NRXN1: variants seen among roughly 807,000 people sequenced by gnomAD.
The protein encoded by NRXN1 is neurexin 1.
Under a neutral mutation model 150.9 loss-of-function variants are expected in NRXN1, and 39 were observed. The ratio of observed to expected loss-of-function variants is 0.26; its 90% CI spans 0.20 to 0.34. The LOEUF (loss-of-function observed/expected upper bound fraction) is 0.34. Among genes scored for constraint, NRXN1 ranks in the 10% least tolerant of loss-of-function variants. The pLI, the probability that NRXN1 is intolerant of heterozygous loss-of-function variation, is 1.00. For synonymous variants in NRXN1, 924 were observed against 757.0 expected, an observed-to-expected ratio of 1.22 and a Z score of -3.62; for missense variants, 1,815 against 1,949.9, an observed-to-expected ratio of 0.93 and a Z score of 1.30.
intron 2 of NRXN1, among the ~76,000 whole-genome samples, chr2:50,940,525 C>CACA (rs1265451546): frequency 6.7e-6 from 1 of 150,194 alleles, no homozygotes; most frequent in East Asian, 2.0e-4. Context: ...CATTGTATGA[C>CACA]ACAACATAAC....
chr2:50,911,496 C>T (rs572904462), intron 5 of NRXN1, among the ~76,000 whole-genome samples: 9 of 151,784 alleles, frequency 5.9e-5, no homozygotes, highest in Non-Finnish European at 1.0e-4. Flanking sequence ...ATCCATGGAC[C>T]AAATTTCTAC....
At chr2:50,678,329 T>A (rs1020400074) in intron 5 of NRXN1, among the ~76,000 whole-genome samples, 21 of 152,192 alleles carry the variant, frequency 1.4e-4, no homozygotes, top group African/African-American at 5.1e-4. Flanking sequence ...ACTTCCCCTT[T>A]ACAGAATTTA....
At chr2:50,828,109 T>C (rs1435873574) in intron 5 of NRXN1, among the ~76,000 whole-genome samples, 1 of 151,794 alleles carries the variant, frequency 6.6e-6, no homozygotes, top group East Asian at 1.9e-4. Flanking sequence ...CCGTTCTCAA[T>C]GAGCTGTTGG....
intron 5 of NRXN1, among the ~76,000 whole-genome samples, chr2:50,725,129 T>C (rs551914186): frequency 2.4e-4 from 37 of 151,822 alleles, no homozygotes; most frequent in African/African-American, 7.7e-4. Context: ...ATTAGAGTAA[T>C]AGAAAGAAAA....
intron 5 of NRXN1, among the ~76,000 whole-genome samples, chr2:50,827,755 T>C (rs898745985): frequency 5.9e-5 from 9 of 151,626 alleles, no homozygotes; most frequent in Non-Finnish European, 1.5e-5. Context: ...CCCTGCGGCC[T>C]TCCGCAGTGT....
intron 5 of NRXN1, among the ~76,000 whole-genome samples, chr2:50,836,174 G>A (rs779647970): frequency 6.6e-5 from 10 of 152,016 alleles, no homozygotes; most frequent in Non-Finnish European, 1.5e-4. Context: ...TTCGACGGTC[G>A]TCTGTAACCT....
intron 21 of NRXN1, among the ~76,000 whole-genome samples, chr2:50,051,751 G>A (rs1389632026): frequency 6.6e-6 from 1 of 152,054 alleles, no homozygotes; most frequent in African/African-American, 2.4e-5. Context: ...CTACTAAAAT[G>A]TATATTCTTT....
At chr2:50,933,681 A>T (rs1402901538) in intron 2 of NRXN1, among the ~76,000 whole-genome samples, 1 of 152,130 alleles carries the variant, frequency 6.6e-6, no homozygotes, top group African/African-American at 2.4e-5. Context: ...ATCTTGATTA[A>T]TCCATTTTAT....
intron 17 of NRXN1, among the ~76,000 whole-genome samples, chr2:50,280,139 G>A (rs560575523): frequency 1.3e-5 from 2 of 151,928 alleles, no homozygotes; most frequent in African/African-American, 2.4e-5. Context: ...GTAGCAGGGC[G>A]TGGTGGCGGG....
chr2:50,182,952 A>C (rs1035989408), intron 18 of NRXN1, among the ~76,000 whole-genome samples: 2 of 152,028 alleles, frequency 1.3e-5, no homozygotes, highest in Non-Finnish European at 2.9e-5. Context: ...TCTCACTAGA[A>C]GGCTGTTTAT....
intron 5 of NRXN1, among the ~76,000 whole-genome samples, chr2:50,907,401 A>T (rs988379143): frequency 1.3e-5 from 2 of 152,096 alleles, no homozygotes; most frequent in Non-Finnish European, 2.9e-5. Flanking sequence ...TAAGTTTGTT[A>T]TACTTTTCTC....
At chr2:50,450,233 C>T (rs777518737) in intron 17 of NRXN1, among the ~76,000 whole-genome samples, 13 of 152,162 alleles carry the variant, frequency 8.5e-5, no homozygotes, top group Non-Finnish European at 1.3e-4. Context: ...TCACTTCCAA[C>T]GCTCATTTCT....
At chr2:50,767,486 G>A (rs1702506156) in intron 5 of NRXN1, among the ~76,000 whole-genome samples, 1 of 151,752 alleles carries the variant, frequency 6.6e-6, no homozygotes, top group African/African-American at 2.4e-5. Flanking sequence ...TTTTTATTTG[G>A]TGAAAGGAAC....
intron 19 of NRXN1, among the ~76,000 whole-genome samples, chr2:50,076,039 T>A (rs1341126030): frequency 6.6e-6 from 1 of 152,160 alleles, no homozygotes; most frequent in Non-Finnish European, 1.5e-5. Flanking sequence ...TCTTCTGTGA[T>A]ATCAGCCTTG....
chr2:50,821,236 T>C (rs1196226219), intron 5 of NRXN1, among the ~76,000 whole-genome samples: 2 of 152,204 alleles, frequency 1.3e-5, no homozygotes, highest in Non-Finnish European at 2.9e-5. Context: ...TGGTTTTGAA[T>C]GCAGCCCAAC....
intron 18 of NRXN1, among the ~76,000 whole-genome samples, chr2:50,099,313 G>C (rs533448626): frequency 3.9e-5 from 6 of 152,010 alleles, no homozygotes; most frequent in African/African-American, 1.4e-4. Context: ...ACACTTCCCA[G>C]AATACCTTTC....
chr2:50,185,841 G>A (rs1218441142), intron 18 of NRXN1, among the ~76,000 whole-genome samples: 2 of 152,016 alleles, frequency 1.3e-5, no homozygotes, highest in East Asian at 3.9e-4. Flanking sequence ...CATCATTCAT[G>A]TGAGCAAAAT....
chr2:50,068,587 A>C (rs1695724914), intron 19 of NRXN1, among the ~76,000 whole-genome samples: 1 of 152,212 alleles, frequency 6.6e-6, no homozygotes, highest in Non-Finnish European at 1.5e-5. Flanking sequence ...CAGTTTTCTC[A>C]TCTGTAAAAC....
intron 19 of NRXN1, among the ~76,000 whole-genome samples, chr2:50,069,509 A>G (rs1265797868): frequency 2.0e-5 from 3 of 152,172 alleles, no homozygotes; most frequent in African/African-American, 7.2e-5. Flanking sequence ...TAACTCAGCA[A>G]ATATCTTTTA....
Sources: allele counts gnomAD v4.1 joint callset (sites outside exome capture counted in the v4.1 genomes callset), GRCh38; gene constraint gnomAD v4.1.1; transcripts MANE v1.5; gene names NCBI Gene and HGNC (gene_info 2026-07-23, HGNC 2026-07-21).